Variants in SH3BP4 observed in about 807,000 individuals in gnomAD.
The protein encoded by SH3BP4 is SH3 domain-binding protein 4.
In SH3BP4, 33 loss-of-function variants were observed where a neutral mutation model predicts 65.5. The observed-to-expected ratio is 0.50, with a 90% CI of 0.38 to 0.67. SH3BP4 has a LOEUF of 0.67. Among genes scored for constraint, SH3BP4 ranks in the 30% least tolerant of loss-of-function variants. SH3BP4 has a pLI of 0.00. For synonymous variants in SH3BP4, 552 were observed against 545.5 expected, an observed-to-expected ratio of 1.01 and a Z score of -0.17; for missense variants, 1,134 against 1,261.4, an observed-to-expected ratio of 0.90 and a Z score of 1.53.
intron 2 of SH3BP4, among the ~76,000 whole-genome samples, chr2:235,023,761 A>T (rs1201906627): frequency 3.3e-5 from 5 of 152,184 alleles, no homozygotes; most frequent in Non-Finnish European, 1.5e-5. Context: ...AGATTTTATT[A>T]TACAATCTGT....
At position 234,974,684 on chromosome 2, in the gene SH3BP4, C is replaced by T. The variant is rs777833092; in HGVS notation, c.-206-20619C>T. The stretch of plus-strand genomic sequence containing the variant: ...ACAAGGGCTTCATGCAGCCCGCGGC[C>T]CAGGGCGTTCACAAGCTCTCTTAGT... On this transcript the variant is annotated intron_variant, in intron 1 of 5. Coordinates refer to ENST00000392011, the MANE Select transcript of SH3BP4 (RefSeq NM_014521.3). The surrounding 1 kb of genome is among the most constrained non-coding windows in gnomAD (Gnocchi z 4.6). Among the ~76,000 whole-genome samples, 1 of 152,208 alleles carries T rather than the reference C, an allele frequency of 6.6e-6. No homozygotes were observed. Among genetic ancestry groups the T allele is most frequent in the Non-Finnish European group, 1.5e-5 (1 of 68,050 alleles).
At chr2:234,980,812 G>A (rs559826534) in intron 1 of SH3BP4, among the ~76,000 whole-genome samples, 65 of 152,198 alleles carry the variant, frequency 4.3e-4, no homozygotes, top group Middle Eastern at 3.2e-3. Context: ...AATGTTCACT[G>A]ACCATTCTGA....
chr2:235,012,313 C>G (rs1450275064), intron 2 of SH3BP4, among the ~76,000 whole-genome samples: 5 of 152,204 alleles, frequency 3.3e-5, no homozygotes, highest in African/African-American at 1.2e-4. Flanking sequence ...AGCGTCTTCA[C>G]CCCACAGACA....
chr2:234,991,067 A>G lies in SH3BP4; in HGVS notation c.-206-4236A>G, dbSNP rs1328401256. 3.3e-5 allele frequency among the ~76,000 whole-genome samples: 5 copies of G among 152,174 alleles called. No individual in the cohort carries two copies. The highest frequency in any genetic ancestry group is 7.3e-5 in the Non-Finnish European group (5 of 68,032). On this transcript the variant is annotated intron_variant, in intron 1 of 5. Coordinates refer to ENST00000392011, the MANE Select transcript of SH3BP4 (RefSeq NM_014521.3). This position sits in a 1 kb window ranked among gnomAD's most constrained non-coding sequence, Gnocchi z 4.2. The stretch of plus-strand genomic sequence containing the variant: ...TGCACCTTGAACACTCTGTCTCCAA[A>G]TAAGGTCACTTTCTGAGGTACTGGT...
rs764760061 is a variant in SH3BP4, at chr2:235,041,227, G to A, written c.458G>A (p.Gly153Asp). 6.2e-7 allele frequency: 1 copy of A among 1,614,118 alleles called. No homozygotes were observed. The highest frequency in any genetic ancestry group is 1.1e-5 in the South Asian group (1 of 91,070). The change falls in exon 4 of 6, where the codon GGC becomes GAC. Residue 153 changes from glycine (G) to aspartate (D), a missense_variant. Coordinates refer to ENST00000392011, the MANE Select transcript of SH3BP4 (RefSeq NM_014521.3). The surrounding 1 kb of genome is among the most constrained non-coding windows in gnomAD (Gnocchi z 6.0). ...GGWTDDKKVP[G>D]RMYSNNPFWN... ...TGGACAGATGACAAAAAAGTACCAG[G>A]CAGAATGTACAGTAATAACCCTTTC...
At position 235,046,133 on chromosome 2, in the gene SH3BP4, G is replaced by A. The variant is rs1695851044; in HGVS notation, c.2478+2886G>A. Among the ~76,000 whole-genome samples the A allele has an allele frequency of 6.6e-6, 1 of 152,156 alleles. No homozygotes were observed. ...CTCCAGCTCCTGCAGATGCTATGCT[G>A]TTCCTCTTCCTGGAGCTCCCTTTCC... On this transcript the variant is annotated intron_variant, in intron 4 of 5. Coordinates refer to ENST00000392011, the MANE Select transcript of SH3BP4 (RefSeq NM_014521.3). This position sits in a 1 kb window ranked among gnomAD's most constrained non-coding sequence, Gnocchi z 4.2.
Position 235,026,190 on chromosome 2 carries a change from T to C in SH3BP4, c.-132-8681T>C, listed in dbSNP as rs1166653306. ...GGAGGCCAGGTAAGAAGCTCAGGCC[T>C]TGAAGAGGGATTCACACGCCCTCCC... On this transcript the variant is annotated intron_variant, in intron 2 of 5. Coordinates refer to ENST00000392011, the MANE Select transcript of SH3BP4 (RefSeq NM_014521.3). This position sits in a 1 kb window ranked among gnomAD's most constrained non-coding sequence, Gnocchi z 4.6. 6.6e-6 allele frequency among the ~76,000 whole-genome samples: 1 copy of C among 152,088 alleles called. No homozygotes were observed. The highest frequency in any genetic ancestry group is 2.4e-5 in the African/African-American group (1 of 41,410).
chr2:235,006,714 T>A (rs980897133), intron 2 of SH3BP4, among the ~76,000 whole-genome samples: 1 of 152,176 alleles, frequency 6.6e-6, no homozygotes, highest in Admixed American at 6.5e-5. Context: ...GTGAGGCCTG[T>A]TCCCAAATGG....
At chr2:235,040,133 G>A (rs1695586010) in intron 3 of SH3BP4, among the ~76,000 whole-genome samples, 1 of 152,204 alleles carries the variant, frequency 6.6e-6, no homozygotes, top group Non-Finnish European at 1.5e-5. Context: ...TACTTTGGAG[G>A]CTGAGGCAGG....
Position 235,041,892 on chromosome 2 carries a change from A to T in SH3BP4, c.1123A>T (p.Ser375Cys). The T allele has an allele frequency of 6.2e-7, 1 of 1,613,258 alleles. No individual in the cohort carries two copies. The highest frequency in any genetic ancestry group is 1.7e-4 in the Middle Eastern group (1 of 6,058). The change falls in exon 4 of 6, where the codon AGC becomes TGC. Residue 375 changes from serine to cysteine, a missense_variant. Coordinates refer to ENST00000392011, the MANE Select transcript of SH3BP4 (RefSeq NM_014521.3). This position sits in a 1 kb window ranked among gnomAD's most constrained non-coding sequence, Gnocchi z 6.0. Reference sequence around the variant, plus strand: ...CAACAGTGACAGGTCCTGCAGCATCAGCCCTGTGCTGGAGGTCAAGCTGAG... The same window carrying T: ...CAACAGTGACAGGTCCTGCAGCATCTGCCCTGTGCTGGAGGTCAAGCTGAG... ...ELNSDRSCSISPVLEVKLSNL... is the reference protein window; with the variant it reads ...ELNSDRSCSICPVLEVKLSNL...
intron 3 of SH3BP4, among the ~76,000 whole-genome samples, chr2:235,038,289 AATATATATATTAT>A (rs1248490146): frequency 8.7e-5 from 2 of 22,900 alleles, no homozygotes; most frequent in South Asian, 2.2e-3. Context: ...TATTATATAT[AATATATATATTAT>A]ATATATATAT....
chr2:235,043,143 G>T lies in SH3BP4; in HGVS notation c.2374G>T (p.Asp792Tyr), dbSNP rs777035851. 4.3e-6 allele frequency: 7 copies of T among 1,613,238 alleles called. No individual in the cohort carries two copies. The highest frequency in any genetic ancestry group is 3.3e-5 in the Admixed American group (2 of 59,986). Residue 792 changes from aspartate to tyrosine, a missense_variant, in exon 4 of 6, where the codon GAT becomes TAT. Physicochemically the swap from Asp to Tyr is radical, Grantham distance 160. Coordinates refer to ENST00000392011, the MANE Select transcript of SH3BP4 (RefSeq NM_014521.3). ...PLTFFCRAELDSEPERVASVL... is the reference protein window; with the variant it reads ...PLTFFCRAELYSEPERVASVL... ...CACCTTTTTCTGCCGGGCAGAGCTG[G>T]ATAGTGAGCCCGAGCGGGTGGCGTC...
chr2:234,954,773 A>G (rs1574768458), intron 1 of SH3BP4, among the ~76,000 whole-genome samples: 2 of 152,160 alleles, frequency 1.3e-5, no homozygotes, highest in East Asian at 3.9e-4. Flanking sequence ...GATCCTGGCC[A>G]GTTAAGAGCC....
At chr2:235,040,263 A>G (rs1461006815) in intron 3 of SH3BP4, among the ~76,000 whole-genome samples, 2 of 152,182 alleles carry the variant, frequency 1.3e-5, no homozygotes, top group Admixed American at 6.6e-5. Context: ...AAGTAAAATA[A>G]GAATAAAAGA....
chr2:234,969,990 TACAC>T lies in SH3BP4; in HGVS notation c.-207+17825_-207+17828del, dbSNP rs567097098. On this transcript the variant is annotated intron_variant, in intron 1 of 5. Transcript: ENST00000392011. ...ACACACTCTCACACACACTCCCACATACACACACTCGCTGTCTCACACACACACA... is the reference window on the plus strand; with the variant it reads ...ACACACTCTCACACACACTCCCACATACACTCGCTGTCTCACACACACACA... Among the ~76,000 whole-genome samples, 27 of 143,606 alleles carry T rather than the reference TACAC, an allele frequency of 1.9e-4. 1 individual carries two copies. The highest frequency in any genetic ancestry group is 1.1e-3 in the South Asian group (5 of 4,458). 94.2% of individuals were successfully genotyped at this position (143,606 alleles called of 152,430 possible). A position where few individuals can be genotyped will look rare whatever the true frequency, so the allele number is the denominator to read the frequency against.
rs115060104 is a variant in SH3BP4 at position 235,021,806 on chromosome 2, G to A, written c.-132-13065G>A. ...TAAATATAGGCAAACTAATGACACA[G>A]AACAGCCCCGATTCAGACCCTAGTG... On this transcript the variant is annotated intron_variant, in intron 2 of 5. Coordinates refer to ENST00000392011, the MANE Select transcript of SH3BP4 (RefSeq NM_014521.3). Among the ~76,000 whole-genome samples the A allele has an allele frequency of 4.9e-3, 741 of 152,190 alleles. 7 individuals are homozygous for A. Among genetic ancestry groups the A allele is most frequent in the East Asian group, 0.021 (107 of 5,170 alleles).
At position 235,042,371 on chromosome 2, in the gene SH3BP4, C is replaced by G; in HGVS notation, c.1602C>G (p.Pro534=). 2 of 1,614,166 alleles carry G rather than the reference C, an allele frequency of 1.2e-6. No individual in the cohort carries two copies. The highest frequency in any genetic ancestry group is 1.7e-6 in the Non-Finnish European group (2 of 1,180,034). ...AGCACCAGTTCGTTTTGTCCAGGCCCCAGGATCTCAAGGTCTGTATGTTTT... is the reference window on the plus strand; with the variant it reads ...AGCACCAGTTCGTTTTGTCCAGGCCGCAGGATCTCAAGGTCTGTATGTTTT... ...WGKHQFVLSR[P]QDLKVCMFSN... Residue 534 remains proline, a synonymous_variant, in exon 4 of 6, where the codon CCC becomes CCG. Coordinates refer to ENST00000392011, the MANE Select transcript of SH3BP4 (RefSeq NM_014521.3). This position sits in a 1 kb window ranked among gnomAD's most constrained non-coding sequence, Gnocchi z 7.3.
intron 1 of SH3BP4, among the ~76,000 whole-genome samples, chr2:234,966,049 G>A (rs1455528143): frequency 2.0e-5 from 3 of 152,146 alleles, no homozygotes; most frequent in Admixed American, 6.5e-5. Context: ...GACCCCTCCC[G>A]TTGTCTTTAA....
Position 235,038,297 on chromosome 2 carries a change from TATTA to T in SH3BP4, c.119-2590_119-2587del, listed in dbSNP as rs1412862394. On this transcript the variant is annotated intron_variant, in intron 3 of 5. Coordinates refer to ENST00000392011, the MANE Select transcript of SH3BP4 (RefSeq NM_014521.3). ...TAATATATATTATATATAATATATA[TATTA>T]TATATATATATTATATATTATATAT... 2.9e-4 allele frequency among the ~76,000 whole-genome samples: 4 copies of T among 13,824 alleles called. No homozygotes were observed. The African/African-American group carries it at 4.4e-3, about 15-fold the overall frequency. 9.1% of individuals were successfully genotyped at this position (13,824 alleles called of 152,430 possible).
Sources: gnomAD v4.1 joint callset for allele counts (sites outside exome capture counted in the v4.1 genomes callset) on GRCh38, gnomAD v4.1.1 for gene constraint, Gnocchi (gnomAD v3.1) non-coding constraint, MANE v1.5 for transcripts, NCBI Gene and HGNC (gene_info 2026-07-23, HGNC 2026-07-21) for gene names.